The following CTIF variants were observed in gnomAD, a reference collection of about 807,000 sequenced individuals.
CTIF encodes cap binding complex dependent translation initiation factor, also known as CBP80/20-dependent translation initiation factor.
CTIF carries 21 observed loss-of-function variants against 66.0 expected under a neutral mutation model. That is an observed-to-expected ratio of 0.32 (90% confidence interval 0.23 to 0.46). The LOEUF is 0.46. Among genes scored for constraint, CTIF ranks in the 20% least tolerant of loss-of-function variants. CTIF has a pLI of 1.00. For missense variants in CTIF, 739 were observed against 812.7 expected, an observed-to-expected ratio of 0.91 and a Z score of 1.10; for synonymous variants, 345 against 326.4, an observed-to-expected ratio of 1.06 and a Z score of -0.62.
chr18:48,723,721 C>T (rs2092362046), intron 7 of CTIF, among the ~76,000 whole-genome samples: 1 of 152,194 alleles, frequency 6.6e-6, no homozygotes, highest in Admixed American at 6.5e-5. Flanking sequence ...GAGACAGGGG[C>T]ACAGGTTTTA....
chr18:48,771,887 G>T (rs1313862220), intron 9 of CTIF, among the ~76,000 whole-genome samples: 1 of 152,234 alleles, frequency 6.6e-6, no homozygotes, highest in African/African-American at 2.4e-5. Context: ...GCCCGGGCAC[G>T]GCCGGCCCAG....
chr18:48,605,944 G>C (rs1455427609), intron 1 of CTIF, among the ~76,000 whole-genome samples: 2 of 152,218 alleles, frequency 1.3e-5, no homozygotes, highest in African/African-American at 2.4e-5. Context: ...CCAATTACTT[G>C]ATCATGTTCC....
chr18:48,646,034 T>A (rs1015828281), intron 3 of CTIF, among the ~76,000 whole-genome samples: 9 of 152,154 alleles, frequency 5.9e-5, no homozygotes, highest in Admixed American at 2.0e-4. Flanking sequence ...CAAACTGAAA[T>A]AATCAATGGA....
intron 7 of CTIF, among the ~76,000 whole-genome samples, chr18:48,751,601 G>A (rs1907819684): frequency 6.6e-6 from 1 of 152,208 alleles, no homozygotes; most frequent in Non-Finnish European, 1.5e-5. Context: ...CACTCTGGTG[G>A]CAGAGACGTG....
At chr18:48,813,783 A>C (rs978877304) in intron 9 of CTIF, among the ~76,000 whole-genome samples, 3 of 152,180 alleles carry the variant, frequency 2.0e-5, no homozygotes, top group Non-Finnish European at 2.9e-5. Flanking sequence ...ACTGCCTCCA[A>C]GTTTTTTCCT....
At chr18:48,573,590 C>G (rs938755925) in intron 1 of CTIF, among the ~76,000 whole-genome samples, 2 of 152,228 alleles carry the variant, frequency 1.3e-5, no homozygotes, top group African/African-American at 4.8e-5. Context: ...AGTGATCACT[C>G]AGGCACCCCA....
chr18:48,666,354 G>A (rs778659250), intron 5 of CTIF, among the ~76,000 whole-genome samples: 2 of 152,158 alleles, frequency 1.3e-5, no homozygotes, highest in African/African-American at 4.8e-5. Context: ...GCAACAACCC[G>A]TGGAAAGAAA....
rs1422205949 is a variant in CTIF, at chr18:48,761,787, G to T, written c.1371+98G>T. ...AGGCTGCGAGTTCTGGCCACAGTTG[G>T]ACTTTTCCCAAGTTCCGCCCTTGCC... On this transcript the variant is annotated intron_variant, in intron 9 of 11. Coordinates refer to ENST00000256413, the MANE Select transcript of CTIF (RefSeq NM_014772.3). This position sits in a 1 kb window ranked among gnomAD's most constrained non-coding sequence, Gnocchi z 4.2. 17 of 1,254,996 alleles carry T rather than the reference G, an allele frequency of 1.4e-5. No homozygotes were observed. The highest frequency in any genetic ancestry group is 1.9e-5 in the Non-Finnish European group (17 of 906,762). The allele number at this position is 1,254,996 out of a possible 1,614,324, so 77.7% of individuals were successfully genotyped here.
intron 6 of CTIF, among the ~76,000 whole-genome samples, chr18:48,701,823 G>A (rs1349372593): frequency 6.6e-6 from 1 of 152,254 alleles, no homozygotes; most frequent in East Asian, 1.9e-4. Context: ...CCCGTGGAGG[G>A]CAATAAGGGA....
chr18:48,755,849 C>G (rs1164211915), intron 7 of CTIF: 1 of 152,094 alleles, frequency 6.6e-6, no homozygotes, highest in Non-Finnish European at 1.5e-5. Context: ...TATAGACAAC[C>G]CCAAACCTTG....
intron 7 of CTIF, among the ~76,000 whole-genome samples, chr18:48,717,569 C>T (rs2145539889): frequency 6.6e-6 from 1 of 152,026 alleles, no homozygotes; most frequent in South Asian, 2.1e-4. Flanking sequence ...TAAAAACAAA[C>T]AGGACATATG....
At chr18:48,659,899 A>G (rs1323596643) in intron 3 of CTIF, among the ~76,000 whole-genome samples, 1 of 152,168 alleles carries the variant, frequency 6.6e-6, no homozygotes, top group Non-Finnish European at 1.5e-5. Flanking sequence ...TTGTCATTTA[A>G]ATATGGATGT....
intron 6 of CTIF, among the ~76,000 whole-genome samples, chr18:48,704,064 C>T (rs1308581791): frequency 1.3e-5 from 2 of 152,156 alleles, no homozygotes; most frequent in Non-Finnish European, 2.9e-5. Context: ...TGCTCTTGTC[C>T]ACTCCCTCTT....
chr18:48,658,723 T>C (rs952573025), intron 3 of CTIF, among the ~76,000 whole-genome samples: 6 of 152,140 alleles, frequency 3.9e-5, no homozygotes, highest in African/African-American at 1.4e-4. Flanking sequence ...GTGGCATATG[T>C]ACATGTATGC....
intron 6 of CTIF, among the ~76,000 whole-genome samples, chr18:48,707,040 C>T (rs2092165642): frequency 6.6e-6 from 1 of 152,180 alleles, no homozygotes; most frequent in Non-Finnish European, 1.5e-5. Context: ...AGAGGCACAT[C>T]TGACTCAGGT....
At chr18:48,734,046 T>C (rs2092478233) in intron 7 of CTIF, among the ~76,000 whole-genome samples, 1 of 152,220 alleles carries the variant, frequency 6.6e-6, no homozygotes, top group Non-Finnish European at 1.5e-5. Context: ...GGCAATGCCA[T>C]GAGGGACGCT....
In CTIF at chr18:48,833,414, C is replaced by A. The variant is rs553497577; in HGVS notation, c.1527+16038C>A. ...TGGATGAGTACAGATAGTGTGGGCT[C>A]GGAGGTCCTGCAGCCCTCTGGGAAA... On this transcript the variant is annotated intron_variant, in intron 10 of 11. Transcript: ENST00000256413. 2.0e-5 allele frequency among the ~76,000 whole-genome samples: 3 copies of A among 150,626 alleles called. No individual in the cohort carries two copies. The East Asian group carries it at 5.9e-4, about 30-fold the overall frequency.
At chr18:48,771,237 C>G (rs994683246) in intron 9 of CTIF, among the ~76,000 whole-genome samples, 7 of 152,198 alleles carry the variant, frequency 4.6e-5, no homozygotes, top group Non-Finnish European at 1.0e-4. Flanking sequence ...TTAAGCTTTT[C>G]TTATCTGAGA....
chr18:48,627,740 GAAAGAAAGAA>G (rs1444945394), intron 2 of CTIF, among the ~76,000 whole-genome samples: 10 of 110,482 alleles, frequency 9.1e-5, no homozygotes, highest in African/African-American at 3.4e-4. Flanking sequence ...ACAAAAAACA[GAAAGAAAGAA>G]AAAGAAAGAA....
Sources: gnomAD v4.1 joint callset for allele counts (sites outside exome capture counted in the v4.1 genomes callset) on GRCh38, gnomAD v4.1.1 for gene constraint, Gnocchi (gnomAD v3.1) non-coding constraint, MANE v1.5 for transcripts, NCBI Gene and HGNC (gene_info 2026-07-23, HGNC 2026-07-21) for gene names.